The following GABRA2 variants were observed in gnomAD, a reference collection of about 807,000 sequenced individuals.
The protein encoded by GABRA2 is gamma-aminobutyric acid type A receptor subunit alpha2.
Under a neutral mutation model 48.7 loss-of-function variants are expected in GABRA2, and 16 were observed. That is an observed-to-expected ratio of 0.33 (90% CI 0.22 to 0.50). GABRA2 has a LOEUF of 0.50. Among genes scored for constraint, GABRA2 ranks in the 20% least tolerant of loss-of-function variants. The pLI is 0.98. For missense variants in GABRA2, 275 were observed against 535.6 expected (o/e 0.51, Z 4.80); for synonymous variants, 185 against 184.5 (o/e 1.00, Z -0.02).
At chr4:46,308,970 T>C (rs1419792687) in intron 6 of GABRA2, among the ~76,000 whole-genome samples, 1 of 152,164 alleles carries the variant, frequency 6.6e-6, no homozygotes, top group African/African-American at 2.4e-5. Flanking sequence ...TCTTATGTAA[T>C]GGAAATAAGT....
At chr4:46,355,630 T>C (rs1025037095) in intron 3 of GABRA2, among the ~76,000 whole-genome samples, 2 of 152,196 alleles carry the variant, frequency 1.3e-5, no homozygotes, top group African/African-American at 4.8e-5. Flanking sequence ...TTTCAATATG[T>C]AGCAATTCTG....
At chr4:46,338,630 G>C (rs1328920218) in intron 3 of GABRA2, among the ~76,000 whole-genome samples, 1 of 151,800 alleles carries the variant, frequency 6.6e-6, no homozygotes, top group African/African-American at 2.4e-5. Flanking sequence ...CTGATTTTCT[G>C]TCGTCCATAT....
chr4:46,294,024 CTT>C (rs1157012106), intron 8 of GABRA2, among the ~76,000 whole-genome samples: 3 of 152,180 alleles, frequency 2.0e-5, no homozygotes, highest in African/African-American at 7.2e-5. Context: ...CAGCAAATGC[CTT>C]TTTCTCCATT....
Position 46,246,993 on chromosome 4 carries a change from C to A in GABRA2, c.*3315G>T. Reference sequence around the variant, plus strand: ...CCTCAACCAGGAATTCAAAAAGAGCCACATAAATGCAAATTATACTTACCA... The same window carrying A: ...CCTCAACCAGGAATTCAAAAAGAGCAACATAAATGCAAATTATACTTACCA... On this transcript the variant is annotated 3_prime_UTR_variant, in exon 10 of 10. Transcript: ENST00000381620. Among the ~76,000 whole-genome samples, 1 of 150,570 alleles carries A rather than the reference C, an allele frequency of 6.6e-6. No individual in the cohort carries two copies. Among genetic ancestry groups the A allele is most frequent in the Non-Finnish European group, 1.5e-5 (1 of 67,300 alleles).
At chr4:46,355,672 C>G (rs1295964309) in intron 3 of GABRA2, among the ~76,000 whole-genome samples, 1 of 152,176 alleles carries the variant, frequency 6.6e-6, no homozygotes, top group Non-Finnish European at 1.5e-5. Context: ...CTGCCAAGCA[C>G]AGGAACCCCC....
intron 2 of GABRA2, among the ~76,000 whole-genome samples, 159 bp downstream of exon 2, chr4:46,388,477 G>A (rs1311257658): frequency 1.3e-5 from 2 of 152,190 alleles, no homozygotes; most frequent in Non-Finnish European, 2.9e-5. Context: ...AAGCAGTGAA[G>A]TTTTTACAGT....
At chr4:46,384,217 C>G (rs1717145387) in intron 3 of GABRA2, among the ~76,000 whole-genome samples, 1 of 151,992 alleles carries the variant, frequency 6.6e-6, no homozygotes, top group African/African-American at 2.4e-5. Context: ...AAATGGGGAG[C>G]CACTGTTGGC....
intron 6 of GABRA2, 114 bp from the exon 7 acceptor site, chr4:46,305,825 T>C (rs541165326): frequency 2.8e-6 from 2 of 721,364 alleles, no homozygotes; most frequent in East Asian, 5.7e-5. Flanking sequence ...TATTAATAGT[T>C]AAACATCACA....
At chr4:46,268,350 T>C (rs1424038118) in intron 8 of GABRA2, among the ~76,000 whole-genome samples, 1 of 151,816 alleles carries the variant, frequency 6.6e-6, no homozygotes, top group Non-Finnish European at 1.5e-5. Context: ...TCTATAGAAA[T>C]AAAACAAGTA....
chr4:46,285,026 CAAAA>C (rs201301399), intron 8 of GABRA2, among the ~76,000 whole-genome samples: 5 of 118,468 alleles, frequency 4.2e-5, no homozygotes, highest in South Asian at 2.6e-4. Flanking sequence ...TGCTCACCCT[CAAAA>C]AAAAAAAAAA....
chr4:46,276,083 T>C (rs1352574108), intron 8 of GABRA2, among the ~76,000 whole-genome samples: 1 of 152,054 alleles, frequency 6.6e-6, no homozygotes, highest in African/African-American at 2.4e-5. Flanking sequence ...AACATTACTC[T>C]TACCAAAAAT....
intron 3 of GABRA2, among the ~76,000 whole-genome samples, chr4:46,355,610 G>A (rs1735832312): frequency 6.6e-6 from 1 of 152,118 alleles, no homozygotes; most frequent in Admixed American, 6.6e-5. Context: ...ACTTCCTGCA[G>A]GGAAGCTCAT....
intron 8 of GABRA2, among the ~76,000 whole-genome samples, chr4:46,297,653 A>G (rs1296299422): frequency 6.6e-6 from 1 of 151,218 alleles, no homozygotes; most frequent in Admixed American, 6.6e-5. Flanking sequence ...TTTCTGAGGT[A>G]GTCTAACTAA....
intron 8 of GABRA2, among the ~76,000 whole-genome samples, chr4:46,268,075 C>T (rs1041058903): frequency 6.6e-6 from 1 of 151,610 alleles, no homozygotes; most frequent in Admixed American, 6.6e-5. Context: ...CAGAAAACAA[C>T]AACAACAACA....
intron 8 of GABRA2, among the ~76,000 whole-genome samples, chr4:46,287,539 A>C (rs915713897): frequency 8.1e-5 from 12 of 148,914 alleles, no homozygotes; most frequent in Non-Finnish European, 1.5e-4. Flanking sequence ...ACAAAAAACC[A>C]AACACCGCAT....
intron 8 of GABRA2, 182 bp downstream of exon 8, chr4:46,303,278 C>A (rs2109624609): frequency 3.5e-6 from 2 of 573,474 alleles, no homozygotes; most frequent in South Asian, 4.9e-5. Flanking sequence ...TTCCTTATAT[C>A]CCTTATTAAC....
At chr4:46,386,867 G>C (rs919185789) in intron 2 of GABRA2, 2 of 152,160 alleles carry the variant, frequency 1.3e-5, no homozygotes, top group Non-Finnish European at 2.9e-5. Context: ...AGTTCTTCCT[G>C]ATTGGTCTCT....
At position 46,250,597 on chromosome 4, in the gene GABRA2, T is replaced by C. The variant is rs770470348; in HGVS notation, c.1067A>G (p.Glu356Gly). The C allele has an allele frequency of 6.3e-7, 1 of 1,582,832 alleles. No homozygotes were observed. Among genetic ancestry groups the C allele is most frequent in the South Asian group, 1.2e-5 (1 of 85,672 alleles). Reference sequence around the variant, plus strand: ...GTTCTGTATCATAACGGAAGCCTTTTCTTTTTTCTATTGAAAAATACAAAA... The same window carrying C: ...GTTCTGTATCATAACGGAAGCCTTTCCTTTTTTCTATTGAAAAATACAAAA... ...GKSVVNDKKK[E>G]KASVMIQNNA... Residue 356 changes from glutamate (E) to glycine (G), a missense_variant, in exon 10 of 10, where the codon GAA becomes GGA. Physicochemically the swap from Glu to Gly is moderately conservative, Grantham distance 98. Around this residue, in one of 4 missense-constraint regions of GABRA2, gnomAD observed 99 missense variants for 124.3 expected, o/e 0.80. Coordinates refer to ENST00000381620, the MANE Select transcript of GABRA2 (RefSeq NM_000807.4).
intron 4 of GABRA2, among the ~76,000 whole-genome samples, chr4:46,324,395 C>A (rs1729969164): frequency 6.6e-6 from 1 of 151,748 alleles, no homozygotes; most frequent in African/African-American, 2.4e-5. Context: ...ATGGTAGTAG[C>A]AACAGTGGAT....
Sources: allele counts gnomAD v4.1 joint callset (sites outside exome capture counted in the v4.1 genomes callset), GRCh38; gene constraint gnomAD v4.1.1; regional missense constraint gnomAD v4.1.1; transcripts MANE v1.5; gene names NCBI Gene and HGNC (gene_info 2026-07-23, HGNC 2026-07-21).